MAP3K13: variants seen among roughly 807,000 people sequenced by gnomAD.
The protein encoded by MAP3K13 is leucine zipper-bearing kinase.
In MAP3K13, 52 loss-of-function variants were observed where a neutral mutation model predicts 104.0. The observed-to-expected ratio is 0.50, with a 90% CI of 0.40 to 0.63. MAP3K13 has a LOEUF of 0.63. Ranked by LOEUF, MAP3K13 falls within the 20% of genes least tolerant of loss-of-function variation. The pLI is 0.00. For synonymous variants in MAP3K13, 394 were observed against 442.2 expected (o/e 0.89, Z 1.37); for missense variants, 914 against 1,218.5 (o/e 0.75, Z 3.72).
intron 2 of MAP3K13, among the ~76,000 whole-genome samples, chr3:185,431,908 C>T (rs1450868527): frequency 6.6e-6 from 1 of 152,112 alleles, no homozygotes; most frequent in Non-Finnish European, 1.5e-5. Context: ...TCTATTCTTG[C>T]TCCATGCAAA....
At chr3:185,301,667 G>A (rs965285383) in intron 2 of MAP3K13, among the ~76,000 whole-genome samples, 5 of 152,122 alleles carry the variant, frequency 3.3e-5, no homozygotes, top group African/African-American at 1.2e-4. Flanking sequence ...TATGGCAAGG[G>A]TCCAACTTCA....
At chr3:185,458,025 A>C (rs1190216427) in intron 7 of MAP3K13, among the ~76,000 whole-genome samples, 3 of 152,156 alleles carry the variant, frequency 2.0e-5, no homozygotes, top group Non-Finnish European at 4.4e-5. Context: ...AAATGAAAAG[A>C]TAAAACTGCA....
At chr3:185,309,280 G>A (rs1368587253) in intron 2 of MAP3K13, among the ~76,000 whole-genome samples, 2 of 152,098 alleles carry the variant, frequency 1.3e-5, no homozygotes, top group South Asian at 2.1e-4. Context: ...CAAGGTGGTG[G>A]GTGGATTGCT....
chr3:185,430,669 T>C (rs1371462432), intron 2 of MAP3K13, among the ~76,000 whole-genome samples: 2 of 152,226 alleles, frequency 1.3e-5, no homozygotes, highest in African/African-American at 4.8e-5. Context: ...GTAACTTTTT[T>C]TTCTGATAAC....
chr3:185,486,895 AAG>A lies in MAP3K13; in HGVS notation c.*4441_*4442del. ...ACCACTTAAGTTTAGACCTGTTTGC[AAG>A]ATGGTGGGGAGCTCCTACTGAGAAA... On this transcript the variant is annotated 3_prime_UTR_variant, in exon 14 of 14. Coordinates refer to ENST00000265026, the MANE Select transcript of MAP3K13 (RefSeq NM_004721.5). 1 of 152,216 alleles carries A rather than the reference AAG, an allele frequency of 6.6e-6. No homozygotes were observed. Among genetic ancestry groups the A allele is most frequent in the South Asian group, 2.1e-4 (1 of 4,836 alleles). 9.4% of individuals were successfully genotyped at this position (152,216 alleles called of 1,614,324 possible).
At chr3:185,435,487 C>G (rs1241733658) in intron 2 of MAP3K13, among the ~76,000 whole-genome samples, 1 of 152,156 alleles carries the variant, frequency 6.6e-6, no homozygotes. Context: ...TTAAAATAGC[C>G]AACGCTATCA....
chr3:185,476,788 G>C lies in MAP3K13; in HGVS notation c.2431-538G>C, dbSNP rs572478572. Among the ~76,000 whole-genome samples the C allele has an allele frequency of 4.6e-5, 7 of 152,258 alleles. No homozygotes were observed. The South Asian group carries it at 1.2e-3, about 27-fold the overall frequency. On this transcript the variant is annotated intron_variant, in intron 11 of 13. Coordinates refer to ENST00000265026, the MANE Select transcript of MAP3K13 (RefSeq NM_004721.5). ...TATTTATAGGGATAACACCAATTTT[G>C]TATGCAGTATTGTATTAATGGAGTG...
In MAP3K13 at chr3:185,418,896, T is replaced by C; in HGVS notation, c.-85-9601T>C. ...TCTCTTAATCATGATCATTCTGCCT[T>C]TTCTAGAATCAAATGTGAATCTCAT... On this transcript the variant is annotated intron_variant, in intron 1 of 13. Transcript: ENST00000265026. This position sits in a 1 kb window ranked among gnomAD's most constrained non-coding sequence, Gnocchi z 4.5. The C allele has an allele frequency of 8.9e-7, 1 of 1,125,982 alleles. No homozygotes were observed. The highest frequency in any genetic ancestry group is 1.2e-6 in the Non-Finnish European group (1 of 810,084). The allele number at this position is 1,125,982 out of a possible 1,614,324, so 69.7% of individuals were successfully genotyped here.
intron 11 of MAP3K13, among the ~76,000 whole-genome samples, chr3:185,475,594 G>A (rs1032476935): frequency 3.3e-5 from 5 of 151,784 alleles, no homozygotes; most frequent in African/African-American, 1.2e-4. Context: ...GCTCACACCT[G>A]TAATCCCAGC....
At chr3:185,321,760 T>C (rs150346108) in intron 2 of MAP3K13, among the ~76,000 whole-genome samples, 1,634 of 152,150 alleles carry the variant, frequency 0.011, 31 homozygotes, top group South Asian at 0.024. Context: ...TGCGCCACCA[T>C]GCCCGGCTAA....
intron 1 of MAP3K13, among the ~76,000 whole-genome samples, chr3:185,410,933 TAA>T (rs760936238): frequency 2.2e-4 from 26 of 118,464 alleles, no homozygotes; most frequent in Admixed American, 1.8e-4. Flanking sequence ...AGACTCTGTC[TAA>T]AAAAAAAAAA....
At chr3:185,300,338 C>T (rs1447303992) in intron 2 of MAP3K13, among the ~76,000 whole-genome samples, 1 of 151,722 alleles carries the variant, frequency 6.6e-6, no homozygotes, top group Non-Finnish European at 1.5e-5. Flanking sequence ...AGGCACCCGC[C>T]ACCACGCCCA....
At chr3:185,369,278 G>A (rs904026680) in intron 1 of MAP3K13, among the ~76,000 whole-genome samples, 2 of 152,160 alleles carry the variant, frequency 1.3e-5, no homozygotes, top group African/African-American at 2.4e-5. Context: ...GTTTATGTGC[G>A]GATATTGATT....
In MAP3K13 at chr3:185,484,664, GA is replaced by G. The variant is rs1718638003; in HGVS notation, c.*2212del. 1.3e-5 allele frequency: 2 copies of G among 152,164 alleles called. No individual in the cohort carries two copies. The highest frequency in any genetic ancestry group is 4.1e-4 in the South Asian group (2 of 4,832). 9.4% of individuals were successfully genotyped at this position (152,164 alleles called of 1,614,324 possible). ...GTGATTTATAGCTCTTAGGATGAAG[GA>G]AAATGTTTAATTTATACAAAGAGCA... On this transcript the variant is annotated 3_prime_UTR_variant, in exon 14 of 14. Transcript: ENST00000265026.
intron 1 of MAP3K13, among the ~76,000 whole-genome samples, chr3:185,378,485 C>A (rs1724545417): frequency 1.3e-5 from 2 of 152,124 alleles, no homozygotes. Context: ...TTGGGGAGGG[C>A]TAGTCACGGA....
intron 2 of MAP3K13, among the ~76,000 whole-genome samples, chr3:185,330,292 T>A (rs911387985): frequency 7.2e-5 from 11 of 151,990 alleles, no homozygotes; most frequent in African/African-American, 2.4e-4. Context: ...TCTGTCTTCA[T>A]CTCAGACCTC....
intron 2 of MAP3K13, among the ~76,000 whole-genome samples, chr3:185,356,243 G>T (rs1367686937): frequency 6.6e-6 from 1 of 152,140 alleles, no homozygotes; most frequent in Non-Finnish European, 1.5e-5. Flanking sequence ...TGTCAGAAAA[G>T]GAATTCTATA....
At chr3:185,477,836 C>T (rs1718216998) in intron 12 of MAP3K13, among the ~76,000 whole-genome samples, 1 of 152,188 alleles carries the variant, frequency 6.6e-6, no homozygotes, top group Non-Finnish European at 1.5e-5. Flanking sequence ...CTAGCTGACT[C>T]AGTTCCTGAT....
intron 2 of MAP3K13, among the ~76,000 whole-genome samples, chr3:185,321,224 G>A (rs1398494246): frequency 1.3e-5 from 2 of 151,788 alleles, no homozygotes; most frequent in Non-Finnish European, 2.9e-5. Flanking sequence ...ACATATGCGT[G>A]CACACACATA....
Sources: gnomAD v4.1 joint callset for allele counts (sites outside exome capture counted in the v4.1 genomes callset) on GRCh38, gnomAD v4.1.1 for gene constraint, Gnocchi (gnomAD v3.1) non-coding constraint, MANE v1.5 for transcripts, NCBI Gene and HGNC (gene_info 2026-07-23, HGNC 2026-07-21) for gene names.